The following DENND4C variants were observed in gnomAD, a reference collection of about 807,000 sequenced individuals.
The protein encoded by DENND4C is DENN domain containing 4C, also known as DENN domain-containing protein 4C.
In DENND4C, 108 loss-of-function variants were observed where a neutral mutation model predicts 203.0. The ratio of observed to expected loss-of-function variants is 0.53; its 90% CI spans 0.46 to 0.62. The LOEUF (loss-of-function observed/expected upper bound fraction) is 0.62, where lower values mean the gene tolerates loss of function less well. Among genes scored for constraint, DENND4C ranks in the 20% least tolerant of loss-of-function variants. The pLI is 0.00. For missense variants in DENND4C, 2,481 were observed against 2,301.2 expected (o/e 1.08, Z -1.60); for synonymous variants, 871 against 792.4 (o/e 1.10, Z -1.67).
In DENND4C at chr9:19,316,781, A is replaced by G. The variant is rs748480199; in HGVS notation, c.1749A>G (p.Pro583=). 6.2e-7 allele frequency: 1 copy of G among 1,614,008 alleles called. No individual in the cohort carries two copies. The highest frequency in any genetic ancestry group is 8.5e-7 in the Non-Finnish European group (1 of 1,179,970). The stretch of plus-strand genomic sequence containing the variant: ...AAGGATATAGAACATATCTCAGACC[A>G]ATCACAGAGGCTCCTTCAAATAAAG... ...ILKGYRTYLR[P]ITEAPSNKAT... The change falls in exon 12 of 33, where the codon CCA becomes CCG. Residue 583 remains proline (P), a synonymous_variant. Coordinates refer to ENST00000434457, the MANE Select transcript of DENND4C (RefSeq NM_001330640.2).
chr9:19,356,193 AT>A (rs1444268207), intron 26 of DENND4C, among the ~76,000 whole-genome samples: 1 of 152,042 alleles, frequency 6.6e-6, no homozygotes, highest in East Asian at 1.9e-4. Context: ...TCTATCTTAA[AT>A]TTTTATTCAT....
At chr9:19,338,873 G>A (rs148359785) in intron 20 of DENND4C, among the ~76,000 whole-genome samples, 3 of 152,094 alleles carry the variant, frequency 2.0e-5, no homozygotes, top group African/African-American at 7.2e-5. Flanking sequence ...AATAAGTGAT[G>A]GAAAATGGAG....
chr9:19,288,951 G>A (rs530618711), intron 4 of DENND4C, among the ~76,000 whole-genome samples: 6 of 152,224 alleles, frequency 3.9e-5, no homozygotes, highest in Non-Finnish European at 7.3e-5. Context: ...AGACTTAACA[G>A]TATAATGGAA....
chr9:19,276,863 A>G (rs531796673), intron 2 of DENND4C, among the ~76,000 whole-genome samples: 1 of 152,126 alleles, frequency 6.6e-6, no homozygotes, highest in Admixed American at 6.6e-5. Flanking sequence ...AGTTTTTGTG[A>G]AGACCTGTAC....
intron 1 of DENND4C, among the ~76,000 whole-genome samples, chr9:19,257,979 G>A (rs922267726): frequency 7.9e-5 from 12 of 152,058 alleles, no homozygotes; most frequent in Non-Finnish European, 1.3e-4. Flanking sequence ...TTAACTGGAT[G>A]TGGTGGTTCA....
chr9:19,325,897 T>A (rs1817716686), intron 13 of DENND4C, 42 bp from the exon 14 acceptor site: 1 of 1,560,596 alleles, frequency 6.4e-7, no homozygotes, highest in Non-Finnish European at 8.7e-7. Context: ...ATTAAATTCA[T>A]AGTGGACATT....
chr9:19,354,392 C>T (rs555332685), intron 26 of DENND4C, among the ~76,000 whole-genome samples: 2 of 152,226 alleles, frequency 1.3e-5, no homozygotes, highest in South Asian at 2.1e-4. Flanking sequence ...AATATTGCTT[C>T]CTAGACGGCT....
chr9:19,260,418 G>T (rs531596382), intron 1 of DENND4C, among the ~76,000 whole-genome samples: 30 of 56,422 alleles, frequency 5.3e-4, no homozygotes, highest in Non-Finnish European at 8.6e-4. Context: ...TTATTTTTGA[G>T]ATGGAATCTT....
chr9:19,299,385 T>TAAAA, intron 8 of DENND4C, 98 bp downstream of exon 8: 1 of 779,160 alleles, frequency 1.3e-6, no homozygotes, highest in Non-Finnish European at 1.9e-6. Flanking sequence ...TTAGTGATTG[T>TAAAA]TATTTTACAA....
chr9:19,345,807 TG>T (rs2131995566), intron 22 of DENND4C, 113 bp from the exon 23 acceptor site: 4 of 1,021,850 alleles, frequency 3.9e-6, no homozygotes, highest in South Asian at 4.1e-5. Flanking sequence ...CTAAATTTTC[TG>T]GATCTTTTAT....
rs6475322 is a variant in DENND4C, at chr9:19,346,943, A to C, written c.4174A>C (p.Asn1392His). Reference protein sequence around the residue: ...SPHGSLGSVVNSLSGLKLDNI... With the variant: ...SPHGSLGSVVHSLSGLKLDNI... ...ACATGGCTCGTTGGGTTCTGTAGTAAATTCTTTGTCAGGGCTAAAGCTGGA... is the reference window on the plus strand; with the variant it reads ...ACATGGCTCGTTGGGTTCTGTAGTACATTCTTTGTCAGGGCTAAAGCTGGA... The change falls in exon 23 of 33, where the codon AAT becomes CAT. Residue 1392 changes from asparagine to histidine, a missense_variant. Asn to His is a moderately conservative substitution (Grantham distance 68, BLOSUM62 1). Coordinates refer to ENST00000434457, the MANE Select transcript of DENND4C (RefSeq NM_001330640.2). 9.5e-3 allele frequency: 15,286 copies of C among 1,614,064 alleles called. 1,058 individuals carry two copies. The African/African-American group carries it at 0.16, about 17-fold the overall frequency.
At chr9:19,285,411 A>G (rs1161604021) in intron 2 of DENND4C, among the ~76,000 whole-genome samples, 4 of 152,050 alleles carry the variant, frequency 2.6e-5, no homozygotes, top group Admixed American at 2.6e-4. Flanking sequence ...ATTTTAGAAC[A>G]TTTTCATCAG....
At chr9:19,356,221 G>A (rs1281425786) in intron 26 of DENND4C, among the ~76,000 whole-genome samples, 1 of 152,092 alleles carries the variant, frequency 6.6e-6, no homozygotes, top group Middle Eastern at 3.4e-3. Flanking sequence ...GTGAGATAGA[G>A]ATATTAATAC....
At chr9:19,297,658 G>T (rs189314003) in intron 6 of DENND4C, among the ~76,000 whole-genome samples, 1 of 152,138 alleles carries the variant, frequency 6.6e-6, no homozygotes, top group Non-Finnish European at 1.5e-5. Context: ...GAATGGGTAG[G>T]TGGTTCATCC....
Position 19,242,624 on chromosome 9 carries a change from T to C in DENND4C, c.-18+11791T>C, listed in dbSNP as rs753717048. 1.8e-4 allele frequency among the ~76,000 whole-genome samples: 28 copies of C among 151,980 alleles called. 1 individual carries two copies. The highest frequency in any genetic ancestry group is 1.1e-3 in the Admixed American group (17 of 15,190). ...TTTTGATTGTAGCTATTCTAATAGG[T>C]GTGGATTGGTATCTCATTGCTATTT... On this transcript the variant is annotated intron_variant, in intron 1 of 32. Transcript: ENST00000434457.
intron 1 of DENND4C, among the ~76,000 whole-genome samples, chr9:19,242,000 G>A (rs971984068): frequency 2.0e-5 from 3 of 152,102 alleles, no homozygotes; most frequent in African/African-American, 7.2e-5. Context: ...AGACCAGCCT[G>A]GGCAACATGT....
chr9:19,363,866 T>C (rs1347201194), intron 30 of DENND4C, among the ~76,000 whole-genome samples: 1 of 151,722 alleles, frequency 6.6e-6, no homozygotes, highest in African/African-American at 2.4e-5. Context: ...TAAAAAAAAT[T>C]AGCCAGGCTT....
In DENND4C at chr9:19,360,360, T is replaced by C. The variant is rs1396544291; in HGVS notation, c.5277T>C (p.His1759=). 1 of 1,614,050 alleles carries C rather than the reference T, an allele frequency of 6.2e-7. No homozygotes were observed. ...AAAATGAAGGTGATCAGGTGATTCA[T>C]ACATCTTCTTTCATCAATCAACATC... ...LLENEGDQVI[H]TSSFINQHPI... is the part of the protein sequence containing the mutation. Residue 1759 remains histidine (H), a synonymous_variant, in exon 29 of 33, where the codon CAT becomes CAC. Coordinates refer to ENST00000434457, the MANE Select transcript of DENND4C (RefSeq NM_001330640.2).
intron 1 of DENND4C, among the ~76,000 whole-genome samples, chr9:19,238,460 TCCC>T (rs1822620518): frequency 4.7e-5 from 1 of 21,300 alleles, no homozygotes; most frequent in Non-Finnish European, 8.5e-5. Flanking sequence ...TCCCCTCCCC[TCCC>T]CTCCCTCTCC....
Sources: allele counts gnomAD v4.1 joint callset (sites outside exome capture counted in the v4.1 genomes callset), GRCh38; gene constraint gnomAD v4.1.1; transcripts MANE v1.5; gene names NCBI Gene and HGNC (gene_info 2026-07-23, HGNC 2026-07-21).